RBFOX1: variants seen among roughly 807,000 people sequenced by gnomAD.
RBFOX1 encodes RNA binding fox-1 homolog 1, also known as RNA binding protein fox-1 homolog 1.
Under a neutral mutation model 57.7 loss-of-function variants are expected in RBFOX1, and 8 were observed. That is an observed-to-expected ratio of 0.14 (90% CI 0.08 to 0.25). The LOEUF (loss-of-function observed/expected upper bound fraction) is 0.25, where lower values mean the gene tolerates loss of function less well. Among genes scored for constraint, RBFOX1 ranks in the 10% least tolerant of loss-of-function variants. The probability of loss-of-function intolerance (pLI) is 1.00; values close to 1 mark genes in which losing one functional copy is unlikely to be tolerated. For synonymous variants in RBFOX1, 326 were observed against 222.4 expected (o/e 1.47, Z -4.15); for missense variants, 611 against 548.5 (o/e 1.11, Z -1.14).
intron 1 of RBFOX1, among the ~76,000 whole-genome samples, chr16:5,332,993 C>G (rs1034926344): frequency 6.6e-6 from 1 of 152,068 alleles, no homozygotes; most frequent in Admixed American, 6.5e-5. Flanking sequence ...TGAGACCAGC[C>G]TGACCAATGT....
chr16:6,591,647 C>G (rs1157641400), intron 2 of RBFOX1, among the ~76,000 whole-genome samples: 2 of 152,118 alleles, frequency 1.3e-5, no homozygotes, highest in Non-Finnish European at 2.9e-5. Context: ...CTGTCTTAGT[C>G]TTAGCTGTTG....
chr16:7,367,035 A>T (rs1192970118), intron 4 of RBFOX1, among the ~76,000 whole-genome samples: 1 of 151,372 alleles, frequency 6.6e-6, no homozygotes, highest in African/African-American at 2.4e-5. Context: ...TTCTGGCTTG[A>T]TTCCCTCCCC....
intron 1 of RBFOX1, among the ~76,000 whole-genome samples, chr16:6,078,717 A>C (rs1597084066): frequency 6.6e-6 from 1 of 152,224 alleles, no homozygotes; most frequent in African/African-American, 2.4e-5. Flanking sequence ...CAAGGGTACC[A>C]CAAATGGTAG....
intron 4 of RBFOX1, among the ~76,000 whole-genome samples, chr16:7,161,423 T>G (rs1017387214): frequency 6.6e-6 from 1 of 152,206 alleles, no homozygotes; most frequent in Non-Finnish European, 1.5e-5. Flanking sequence ...TAAATAACAT[T>G]TATACCTAAG....
intron 3 of RBFOX1, among the ~76,000 whole-genome samples, chr16:6,837,462 C>T (rs12921125): frequency 0.14 from 20,713 of 152,112 alleles, 1,524 homozygotes; most frequent in Non-Finnish European, 0.16. Flanking sequence ...TTGAGCCACT[C>T]AGAAGGTGAT....
chr16:6,664,498 T>C (rs17140883), intron 3 of RBFOX1, among the ~76,000 whole-genome samples: 8,393 of 152,244 alleles, frequency 0.055, 260 homozygotes, highest in Non-Finnish European at 0.064. Flanking sequence ...GTGGATGGGA[T>C]CTTGGTAGGA....
chr16:7,448,824 T>C (rs1288460380), intron 4 of RBFOX1, among the ~76,000 whole-genome samples: 1 of 152,042 alleles, frequency 6.6e-6, no homozygotes, highest in African/African-American at 2.4e-5. Flanking sequence ...AGCCATTGGA[T>C]TTAGGGCCCA....
chr16:6,223,947 A>T (rs1027369544), intron 1 of RBFOX1, among the ~76,000 whole-genome samples: 1 of 152,170 alleles, frequency 6.6e-6, no homozygotes, highest in South Asian at 2.1e-4. Flanking sequence ...AGCACTGTTT[A>T]TTAAATAGGG....
chr16:6,389,555 A>T (rs967444691), intron 2 of RBFOX1, among the ~76,000 whole-genome samples: 3 of 152,148 alleles, frequency 2.0e-5, no homozygotes, highest in African/African-American at 4.8e-5. Flanking sequence ...ACTTAGTCCA[A>T]TTGCTGTTCT....
At chr16:6,539,210 G>C (rs1348712676) in intron 2 of RBFOX1, among the ~76,000 whole-genome samples, 2 of 152,056 alleles carry the variant, frequency 1.3e-5, no homozygotes, top group Non-Finnish European at 2.9e-5. Context: ...CAGTATGATG[G>C]AGGCACTTAT....
chr16:6,363,346 A>G (rs2088961205), intron 2 of RBFOX1, among the ~76,000 whole-genome samples: 1 of 152,220 alleles, frequency 6.6e-6, no homozygotes, highest in South Asian at 2.1e-4. Flanking sequence ...AAATAAATTC[A>G]GATATTTAAA....
chr16:7,637,486 C>T (rs940626287), intron 11 of RBFOX1, among the ~76,000 whole-genome samples: 3 of 152,156 alleles, frequency 2.0e-5, no homozygotes, highest in Non-Finnish European at 2.9e-5. Flanking sequence ...CAGAAACATA[C>T]ATAAATCAGG....
At chr16:6,940,707 C>T (rs1360671639) in intron 3 of RBFOX1, among the ~76,000 whole-genome samples, 1 of 151,976 alleles carries the variant, frequency 6.6e-6, no homozygotes, top group Non-Finnish European at 1.5e-5. Flanking sequence ...ACGCCATTCT[C>T]CTGCCTCAGC....
At chr16:6,867,437 G>T (rs12919862) in intron 3 of RBFOX1, among the ~76,000 whole-genome samples, 30,633 of 151,840 alleles carry the variant, frequency 0.2, 3,264 homozygotes, top group East Asian at 0.27. Context: ...GAAGAAAGGG[G>T]GCCGGGTGTG....
chr16:6,372,698 A>T lies in RBFOX1; in HGVS notation c.-64+55641A>T, dbSNP rs189099383. Among the ~76,000 whole-genome samples, 320 of 151,788 alleles carry T rather than the reference A, an allele frequency of 2.1e-3. 1 individual carries two copies. The highest frequency in any genetic ancestry group is 3.3e-3 in the Non-Finnish European group (227 of 67,898). On this transcript the variant is annotated intron_variant, in intron 2 of 15. Coordinates refer to ENST00000550418, the MANE Select transcript of RBFOX1 (RefSeq NM_018723.4). ...GGATAGTTGGTGAGGATCTTTGGAT[A>T]GGAGGATAGTTGGGTGGAATGGAGA...
At chr16:6,513,561 C>T (rs569174877) in intron 2 of RBFOX1, among the ~76,000 whole-genome samples, 3 of 152,054 alleles carry the variant, frequency 2.0e-5, no homozygotes, top group Non-Finnish European at 4.4e-5. Flanking sequence ...TGGTGAAAAC[C>T]TGTCTCTACT....
chr16:5,430,477 CAGAGCCTGGGAGGCGTTGGGGTTGGGGA>C (rs2067697170), intron 1 of RBFOX1, among the ~76,000 whole-genome samples: 3 of 152,140 alleles, frequency 2.0e-5, no homozygotes, highest in Non-Finnish European at 2.9e-5. Context: ...CTGGAGGAGG[CAGAGCCTGGGAGGCGTTGGGGTTGGGGA>C]AGAGCACCCA....
At chr16:6,464,185 C>T (rs1051565421) in intron 2 of RBFOX1, among the ~76,000 whole-genome samples, 6 of 152,030 alleles carry the variant, frequency 3.9e-5, no homozygotes, top group East Asian at 1.9e-4. Flanking sequence ...CAATGAGATG[C>T]GATCTTTACA....
intron 4 of RBFOX1, among the ~76,000 whole-genome samples, chr16:7,187,514 C>T (rs374454656): frequency 1.3e-5 from 2 of 150,910 alleles, no homozygotes; most frequent in East Asian, 2.0e-4. Flanking sequence ...ACAGTGAAAC[C>T]CCATCTCTAC....
Sources: allele counts gnomAD v4.1 joint callset (sites outside exome capture counted in the v4.1 genomes callset), GRCh38; gene constraint gnomAD v4.1.1; transcripts MANE v1.5; gene names NCBI Gene and HGNC (gene_info 2026-07-23, HGNC 2026-07-21).